ZNF536: variants seen among roughly 807,000 people sequenced by gnomAD.
ZNF536 encodes zinc finger protein 536.
In ZNF536, 13 loss-of-function variants were observed where a neutral mutation model predicts 84.5. The ratio of observed to expected loss-of-function variants is 0.15; its 90% CI spans 0.10 to 0.24. The LOEUF (loss-of-function observed/expected upper bound fraction) is 0.24, where lower values mean the gene tolerates loss of function less well. ZNF536 is among the 10% of genes least tolerant of loss of function. The pLI, the probability that ZNF536 is intolerant of heterozygous loss-of-function variation, is 1.00. For synonymous variants in ZNF536, 811 were observed against 742.5 expected (o/e 1.09, Z -1.50); for missense variants, 1,536 against 1,747.5 (o/e 0.88, Z 2.16).
chr19:30,411,389 G>A (rs2050488906), intron 1 of ZNF536, among the ~76,000 whole-genome samples: 1 of 152,086 alleles, frequency 6.6e-6, no homozygotes, highest in African/African-American at 2.4e-5. Context: ...TTGGAATATA[G>A]TTAAAGATAC....
chr19:30,327,586 C>G (rs781130091), intron 2 of ZNF536, among the ~76,000 whole-genome samples: 4 of 152,220 alleles, frequency 2.6e-5, no homozygotes, highest in African/African-American at 7.2e-5. Flanking sequence ...TTCCTGCGAA[C>G]CCTTCAGCAG....
intron 1 of ZNF536, among the ~76,000 whole-genome samples, chr19:30,417,148 A>ATTTTTTTTTTTTTTTT (rs71173904): frequency 3.3e-4 from 33 of 100,230 alleles, no homozygotes; most frequent in African/African-American, 1.1e-3. Flanking sequence ...TAATTTTTGT[A>ATTTTTTTTTTTTTTTT]TTTTTTTTTT....
intron 1 of ZNF536, among the ~76,000 whole-genome samples, chr19:30,439,387 G>A (rs1015715359): frequency 7.2e-5 from 11 of 152,176 alleles, no homozygotes; most frequent in African/African-American, 2.7e-4. Flanking sequence ...ACGCATTCTG[G>A]ATGGGTGAAG....
At chr19:30,539,068 G>A (rs1361302804) in intron 3 of ZNF536, among the ~76,000 whole-genome samples, 2 of 150,970 alleles carry the variant, frequency 1.3e-5, no homozygotes, top group Non-Finnish European at 3.0e-5. Context: ...GGAAAGAAAA[G>A]AAAAGGAAAG....
At chr19:30,706,563 G>A (rs976855385) in intron 1 of ZNF536, among the ~76,000 whole-genome samples, 4 of 152,120 alleles carry the variant, frequency 2.6e-5, no homozygotes, top group African/African-American at 9.7e-5. Context: ...GGAAGAACTA[G>A]TGTCATCCTG....
chr19:30,681,067 G>A (rs1048558324), intron 1 of ZNF536, among the ~76,000 whole-genome samples: 10 of 152,046 alleles, frequency 6.6e-5, no homozygotes, highest in South Asian at 2.1e-4. Context: ...CCTGCACCCC[G>A]CCCCTTTCTA....
chr19:30,483,795 G>A (rs1356610875), intron 2 of ZNF536, among the ~76,000 whole-genome samples: 1 of 152,004 alleles, frequency 6.6e-6, no homozygotes, highest in Non-Finnish European at 1.5e-5. Context: ...TCAGAAAAAG[G>A]CCACAGTCTC....
At chr19:30,541,834 C>A (rs886313058) in intron 3 of ZNF536, among the ~76,000 whole-genome samples, 27 of 152,288 alleles carry the variant, frequency 1.8e-4, no homozygotes, top group African/African-American at 6.3e-4. Flanking sequence ...CACAGATTGT[C>A]CCCTTCTGGA....
At chr19:30,639,448 T>G (rs760757333) in intron 1 of ZNF536, among the ~76,000 whole-genome samples, 3 of 152,190 alleles carry the variant, frequency 2.0e-5, no homozygotes, top group Non-Finnish European at 2.9e-5. Flanking sequence ...TCATAGCACT[T>G]CTCAATTCTG....
intron 2 of ZNF536, among the ~76,000 whole-genome samples, chr19:30,485,782 A>T (rs780279188): frequency 1.4e-4 from 21 of 152,286 alleles, no homozygotes; most frequent in Non-Finnish European, 2.5e-4. Context: ...GTAGAAAATC[A>T]AACTTTTGTT....
upstream of ZNF536, among the ~76,000 whole-genome samples, chr19:30,367,405 A>G (rs2048470419): frequency 6.6e-6 from 1 of 152,236 alleles, no homozygotes; most frequent in Non-Finnish European, 1.5e-5. Context: ...TACCAAAGCC[A>G]TATTTATTGA....
intron 1 of ZNF536, among the ~76,000 whole-genome samples, chr19:30,590,679 G>C (rs2047246541): frequency 6.6e-6 from 1 of 152,196 alleles, no homozygotes; most frequent in Admixed American, 6.5e-5. Flanking sequence ...CAGAAGACTG[G>C]AGTCCAGGTC....
At chr19:30,649,064 A>T (rs1265666042) in intron 1 of ZNF536, among the ~76,000 whole-genome samples, 1 of 152,118 alleles carries the variant, frequency 6.6e-6, no homozygotes, top group African/African-American at 2.4e-5. Flanking sequence ...GTTAACCAGG[A>T]TCAACCCTGG....
At chr19:30,349,780 G>C (rs1450198758) in intron 2 of ZNF536, among the ~76,000 whole-genome samples, 1 of 151,848 alleles carries the variant, frequency 6.6e-6, no homozygotes, top group African/African-American at 2.4e-5. Flanking sequence ...CAGCATGGCC[G>C]GATATAATAT....
In ZNF536 at chr19:30,548,889, G is replaced by A. The variant is rs775958801; in HGVS notation, c.3270G>A (p.Glu1090=). 20 of 1,614,054 alleles carry A rather than the reference G, an allele frequency of 1.2e-5. No individual in the cohort carries two copies. Among genetic ancestry groups the A allele is most frequent in the Middle Eastern group, 3.3e-4 (2 of 6,084 alleles). Residue 1090 remains glutamate (E), a synonymous_variant, in exon 4 of 5, where the codon GAG becomes GAA. Transcript: ENST00000355537. The part of the protein sequence containing the change: ...AQGQLKETLG[E]QKSGAWTGHV... ...GTCAGCTCAAGGAGACTCTGGGAGA[G>A]CAGAAGAGCGGTGCATGGACCGGCC...
intron 1 of ZNF536, among the ~76,000 whole-genome samples, chr19:30,613,388 A>G (rs1309336342): frequency 6.6e-6 from 1 of 152,012 alleles, no homozygotes; most frequent in Non-Finnish European, 1.5e-5. Flanking sequence ...TGATTTTTCT[A>G]TTTCCCTCAA....
downstream of ZNF536, among the ~76,000 whole-genome samples, chr19:30,561,036 G>A (rs2146422976): frequency 6.6e-6 from 1 of 152,272 alleles, no homozygotes; most frequent in African/African-American, 2.4e-5. Flanking sequence ...TGTTCTTTGT[G>A]GAGTTGTCCA....
At chr19:30,334,533 G>T (rs1005607592) in intron 2 of ZNF536, among the ~76,000 whole-genome samples, 10 of 152,156 alleles carry the variant, frequency 6.6e-5, no homozygotes, top group Non-Finnish European at 1.5e-4. Flanking sequence ...TCCACCCATC[G>T]CTGGGAGCCC....
rs886479010 is a variant in ZNF536 at position 30,408,971 on chromosome 19, A to ATCAT, written c.-2-34572_-2-34569dup. Among the ~76,000 whole-genome samples the ATCAT allele has an allele frequency of 1.7e-4, 25 of 149,562 alleles. 1 individual carries two copies. The highest frequency in any genetic ancestry group is 6.0e-4 in the East Asian group (3 of 4,976). On this transcript the variant is annotated intron_variant, in intron 1 of 4. Coordinates refer to ENST00000355537, the MANE Select transcript of ZNF536 (RefSeq NM_014717.3). ...CATCCATCTATCCACCCACAAATCC[A>ATCAT]TCATTCATTCATTCATTCATTATCA...
Sources: gnomAD v4.1 joint callset for allele counts (sites outside exome capture counted in the v4.1 genomes callset) on GRCh38, gnomAD v4.1.1 for gene constraint, MANE v1.5 for transcripts, NCBI Gene and HGNC (gene_info 2026-07-23, HGNC 2026-07-21) for gene names.